Variants in FBXL18 observed in about 807,000 individuals in gnomAD.
FBXL18 encodes F-box/LRR-repeat protein 18.
In FBXL18, 36 loss-of-function variants were observed where a neutral mutation model predicts 46.0. That is an observed-to-expected ratio of 0.78 (90% confidence interval 0.60 to 1.03). The LOEUF (loss-of-function observed/expected upper bound fraction) is 1.03, where lower values mean the gene tolerates loss of function less well. FBXL18 is among the 50% of genes least tolerant of loss of function. FBXL18 has a pLI of 0.00. For synonymous variants in FBXL18, 557 were observed against 465.3 expected (o/e 1.20, Z -2.54); for missense variants, 977 against 1,004.1 (o/e 0.97, Z 0.36).
chr7:5,470,077 C>T (rs900302715), intron 4 of FBXL18, among the ~76,000 whole-genome samples: 1 of 152,082 alleles, frequency 6.6e-6, no homozygotes, highest in Non-Finnish European at 1.5e-5. Context: ...TGCCAGTCTG[C>T]GGGCGTGGGT....
intron 1 of FBXL18, among the ~76,000 whole-genome samples, chr7:5,507,703 A>G (rs183494851): frequency 4.9e-4 from 74 of 150,644 alleles, no homozygotes; most frequent in African/African-American, 1.8e-3. Context: ...GCATGGTGGC[A>G]GGCGCTTGTA....
intron 1 of FBXL18, among the ~76,000 whole-genome samples, chr7:5,508,539 G>A (rs548301957): frequency 2.0e-5 from 3 of 151,628 alleles, no homozygotes; most frequent in East Asian, 3.9e-4. Context: ...AGCTCAGGAG[G>A]TTGAGGCTGC....
downstream of FBXL18, among the ~76,000 whole-genome samples, chr7:5,474,814 T>A (rs1380684811): frequency 6.7e-6 from 1 of 150,088 alleles, no homozygotes; most frequent in African/African-American, 2.4e-5. Flanking sequence ...TTCAGGCCAT[T>A]CTCCTGCCTC....
At chr7:5,456,921 G>A (rs934841811) in intron 4 of FBXL18, among the ~76,000 whole-genome samples, 1 of 152,188 alleles carries the variant, frequency 6.6e-6, no homozygotes, top group South Asian at 2.1e-4. Context: ...ACGCCACCAT[G>A]CCTAGCTAAT....
intron 4 of FBXL18, among the ~76,000 whole-genome samples, chr7:5,461,397 C>T (rs1348039417): frequency 1.3e-5 from 2 of 151,976 alleles, no homozygotes; most frequent in Non-Finnish European, 2.9e-5. Context: ...TCGGTTGATA[C>T]AAAAGTAATT....
chr7:5,461,908 TC>T (rs1783253248), intron 4 of FBXL18, among the ~76,000 whole-genome samples: 1 of 151,800 alleles, frequency 6.6e-6, no homozygotes, highest in Non-Finnish European at 1.5e-5. Context: ...GCCACTGCAC[TC>T]CAGCCTGGGA....
chr7:5,496,052 C>T lies in FBXL18; in HGVS notation c.1781+4436G>A, dbSNP rs951992253. 1.4e-5 allele frequency: 5 copies of T among 363,528 alleles called. No individual in the cohort carries two copies. The highest frequency in any genetic ancestry group is 2.1e-5 in the African/African-American group (1 of 46,688). 22.5% of individuals were successfully genotyped at this position (363,528 alleles called of 1,614,324 possible). On this transcript the variant is annotated intron_variant, in intron 3 of 4. Coordinates refer to ENST00000382368, the MANE Select transcript of FBXL18 (RefSeq NM_024963.6). The surrounding 1 kb of genome is among the most constrained non-coding windows in gnomAD (Gnocchi z 4.8). The stretch of plus-strand genomic sequence containing the variant: ...TGCTCCTGAGGAAGGCCCTTGGCCA[C>T]GGGGATTCCGTCCCAGACTCCGGAG...
At chr7:5,497,210 A>T (rs1784105234) in intron 3 of FBXL18, among the ~76,000 whole-genome samples, 2 of 151,986 alleles carry the variant, frequency 1.3e-5, no homozygotes, top group African/African-American at 4.8e-5. Context: ...TAAAAAAAAA[A>T]AGTGGGAAAG....
At chr7:5,488,096 CA>C (rs1258919008) in intron 4 of FBXL18, among the ~76,000 whole-genome samples, 1 of 152,236 alleles carries the variant, frequency 6.6e-6, no homozygotes, top group Non-Finnish European at 1.5e-5. Context: ...CACCAGCCTT[CA>C]AAAAACGCAC....
chr7:5,476,131 T>G lies in FBXL18; in HGVS notation c.*5644A>C, dbSNP rs1783506577. 6.6e-6 allele frequency: 1 copy of G among 152,562 alleles called. No individual in the cohort carries two copies. Among genetic ancestry groups the G allele is most frequent in the Non-Finnish European group, 1.5e-5 (1 of 68,366 alleles). The allele number at this position is 152,562 out of a possible 1,614,324, so 9.5% of individuals were successfully genotyped here. ...AATGCTCAGAAGGTGGCGAAGGGGC[T>G]GGAGGGAGATACCACCGACGGCTGC... On this transcript the variant is annotated 3_prime_UTR_variant, in exon 5 of 5. Coordinates refer to ENST00000382368, the MANE Select transcript of FBXL18 (RefSeq NM_024963.6).
At chr7:5,461,423 A>G (rs547433710) in intron 4 of FBXL18, among the ~76,000 whole-genome samples, 2 of 152,246 alleles carry the variant, frequency 1.3e-5, no homozygotes, top group South Asian at 2.1e-4. Context: ...TTTTGCCATT[A>G]AAAGTAATGG....
At chr7:5,493,162 C>T (rs1162076411) in intron 3 of FBXL18, among the ~76,000 whole-genome samples, 2 of 152,090 alleles carry the variant, frequency 1.3e-5, no homozygotes, top group Non-Finnish European at 2.9e-5. Flanking sequence ...TAGTGAGAGC[C>T]CAGCTCTACA....
chr7:5,513,760 G>T lies in FBXL18; in HGVS notation c.-86C>A, dbSNP rs1405769936. ...GGCTAGGGATGCTCGAAGCCGGCGC[G>T]TCCACCGCTCAACCGAGACCCCGGC... On this transcript the variant is annotated 5_prime_UTR_variant, in exon 1 of 5. Transcript: ENST00000382368. The T allele has an allele frequency of 2.1e-5, 32 of 1,530,808 alleles. No individual in the cohort carries two copies. The highest frequency in any genetic ancestry group is 2.7e-5 in the Non-Finnish European group (31 of 1,133,134). The allele number at this position is 1,530,808 out of a possible 1,614,324, so 94.8% of individuals were successfully genotyped here.
At chr7:5,459,146 C>T (rs1188516815) in intron 4 of FBXL18, among the ~76,000 whole-genome samples, 4 of 152,164 alleles carry the variant, frequency 2.6e-5, no homozygotes, top group African/African-American at 9.7e-5. Context: ...GAGCAAGACA[C>T]TGTCTCAAGA....
rs556030968 is a variant in FBXL18 at position 5,489,620 on chromosome 7, A to T, written c.2000+1611T>A. The T allele has an allele frequency of 3.3e-5, 7 of 215,008 alleles. No homozygotes were observed. The East Asian group carries it at 8.8e-4, about 27-fold the overall frequency. The allele number at this position is 215,008 out of a possible 1,614,324, so 13.3% of individuals were successfully genotyped here. Reference sequence around the variant, plus strand: ...CCCGTCTCTACTAAAAAAAAAAAAAATACAAAAAATTAGCCAGGTGTGGTG... The same window carrying T: ...CCCGTCTCTACTAAAAAAAAAAAAATTACAAAAAATTAGCCAGGTGTGGTG... On this transcript the variant is annotated intron_variant, in intron 4 of 4. Coordinates refer to ENST00000382368, the MANE Select transcript of FBXL18 (RefSeq NM_024963.6).
chr7:5,513,401 G>A (rs1784591245), intron 1 of FBXL18, among the ~76,000 whole-genome samples: 1 of 152,148 alleles, frequency 6.6e-6, no homozygotes, highest in African/African-American at 2.4e-5. Context: ...ACGGAGAGAC[G>A]GGGACAACTC....
At chr7:5,461,389 G>A (rs1280185850) in intron 4 of FBXL18, among the ~76,000 whole-genome samples, 3 of 151,666 alleles carry the variant, frequency 2.0e-5, no homozygotes, top group African/African-American at 7.3e-5. Context: ...CAACATACTC[G>A]GTTGATACAA....
At position 5,481,480 on chromosome 7, in the gene FBXL18, T is replaced by G; in HGVS notation, c.*295A>C. ...AGGGCCCCCAGGGATTGCGGCTCAG[T>G]ATACAAACCCCCCAGCCAGGCCCCA... is the stretch of plus-strand genomic sequence containing the variant. On this transcript the variant is annotated 3_prime_UTR_variant, in exon 5 of 5. Coordinates refer to ENST00000382368, the MANE Select transcript of FBXL18 (RefSeq NM_024963.6). The G allele has an allele frequency of 6.1e-6, 2 of 329,162 alleles. No homozygotes were observed. Among genetic ancestry groups the G allele is most frequent in the Non-Finnish European group, 5.7e-6 (1 of 174,504 alleles). The allele number at this position is 329,162 out of a possible 1,614,324, so 20.4% of individuals were successfully genotyped here.
rs796714366 is a variant in FBXL18 at position 5,496,691 on chromosome 7, G to A, written c.1781+3797C>T. Among the ~76,000 whole-genome samples the A allele has an allele frequency of 1.3e-4, 20 of 152,198 alleles. No individual in the cohort carries two copies. The highest frequency in any genetic ancestry group is 3.9e-4 in the African/African-American group (16 of 41,514). Reference sequence around the variant, plus strand: ...GAGCCCAGGAGTTCAAGACCAGCCCGGGCAACACAGCAAGACCCCGTCTCT... The same window carrying A: ...GAGCCCAGGAGTTCAAGACCAGCCCAGGCAACACAGCAAGACCCCGTCTCT... On this transcript the variant is annotated intron_variant, in intron 3 of 4. Coordinates refer to ENST00000382368, the MANE Select transcript of FBXL18 (RefSeq NM_024963.6). The surrounding 1 kb of genome is among the most constrained non-coding windows in gnomAD (Gnocchi z 4.8).
Sources: gnomAD v4.1 joint callset for allele counts (sites outside exome capture counted in the v4.1 genomes callset) on GRCh38, gnomAD v4.1.1 for gene constraint, Gnocchi (gnomAD v3.1) non-coding constraint, MANE v1.5 for transcripts, NCBI Gene and HGNC (gene_info 2026-07-23, HGNC 2026-07-21) for gene names.